The following ZCCHC10 variants were observed in gnomAD, a reference collection of about 807,000 sequenced individuals.
ZCCHC10 encodes zinc finger CCHC-type containing 10.
Under a neutral mutation model 19.5 loss-of-function variants are expected in ZCCHC10, and 16 were observed. The ratio of observed to expected loss-of-function variants is 0.82; its 90% CI spans 0.56 to 1.25. ZCCHC10 has a LOEUF of 1.25. Ranked by LOEUF, ZCCHC10 falls within the 50% of genes most tolerant of loss-of-function variation. ZCCHC10 has a pLI of 0.00. For missense variants in ZCCHC10, 197 were observed against 201.0 expected, an observed-to-expected ratio of 0.98 and a Z score of 0.12; for synonymous variants, 67 against 72.5, an observed-to-expected ratio of 0.92 and a Z score of 0.38.
At position 133,022,845 on chromosome 5, in the gene ZCCHC10, T is replaced by C. The variant is rs1764411132; in HGVS notation, c.103A>G (p.Ile35Val). 2 of 606,778 alleles carry C rather than the reference T, an allele frequency of 3.3e-6. No homozygotes were observed. Among genetic ancestry groups the C allele is most frequent in the Non-Finnish European group, 5.8e-6 (2 of 343,174 alleles). 37.6% of individuals were successfully genotyped at this position (606,778 alleles called of 1,614,324 possible). The change falls in exon 2 of 5, where the codon ATT becomes GTT. Residue 35 changes from isoleucine to valine, a missense_variant. Ile to Val is a conservative substitution (Grantham distance 29). Transcript: ENST00000509437. ...ACACAAAGCTGAGAGGGATACCTAA[T>C]AACGATGGATGGCTGAATCAGGATC... ...FWILIQPSIV[I>V]SEANKQHVRC...
At chr5:133,015,342 G>A (rs1457678830) in intron 2 of ZCCHC10, among the ~76,000 whole-genome samples, 2 of 152,166 alleles carry the variant, frequency 1.3e-5, no homozygotes, top group Admixed American at 1.3e-4. Context: ...GCCTCCCAAA[G>A]TGCTGGGATT....
At chr5:133,017,932 C>T (rs1337190644) in intron 2 of ZCCHC10, among the ~76,000 whole-genome samples, 1 of 151,958 alleles carries the variant, frequency 6.6e-6, no homozygotes, top group Non-Finnish European at 1.5e-5. Context: ...TCACTTGAAG[C>T]CAGGAGTTCG....
intron 1 of ZCCHC10, among the ~76,000 whole-genome samples, chr5:133,025,304 A>G (rs1156981468): frequency 2.0e-5 from 3 of 151,850 alleles, no homozygotes; most frequent in African/African-American, 7.3e-5. Flanking sequence ...GGGGATCGAG[A>G]CCATCCTGGC....
intron 4 of ZCCHC10, among the ~76,000 whole-genome samples, chr5:132,999,739 A>T (rs1165972433): frequency 6.6e-6 from 1 of 152,184 alleles, no homozygotes; most frequent in Non-Finnish European, 1.5e-5. Flanking sequence ...GAGGCTTCAG[A>T]TCCAAATCTT....
chr5:133,021,745 T>G (rs544326192), intron 2 of ZCCHC10, among the ~76,000 whole-genome samples: 3 of 152,270 alleles, frequency 2.0e-5, no homozygotes, highest in African/African-American at 7.2e-5. Flanking sequence ...ATTTATAATT[T>G]TTTTAAATTT....
At chr5:133,013,087 A>T (rs1763674084) in intron 2 of ZCCHC10, among the ~76,000 whole-genome samples, 1 of 148,292 alleles carries the variant, frequency 6.7e-6, no homozygotes, top group African/African-American at 2.5e-5. Context: ...TAATAAATAA[A>T]TAAAAATAAA....
intron 1 of ZCCHC10, 45 bp from the exon 2 acceptor site, chr5:133,022,951 T>G (rs931263748): frequency 5.3e-5 from 26 of 487,728 alleles, no homozygotes; most frequent in Admixed American, 7.9e-5. Context: ...GTCTGACACT[T>G]AAGTCCAGAA....
intron 3 of ZCCHC10, among the ~76,000 whole-genome samples, chr5:133,004,420 C>T (rs1039773742): frequency 3.3e-5 from 5 of 152,108 alleles, no homozygotes; most frequent in African/African-American, 7.2e-5. Flanking sequence ...GTGATCCACC[C>T]GCCTTGGCCT....
intron 1 of ZCCHC10, 26 bp downstream of exon 1, chr5:133,026,471 T>G: frequency 6.2e-7 from 1 of 1,612,654 alleles, no homozygotes; most frequent in Non-Finnish European, 8.5e-7. Context: ...AGCCCTCCAG[T>G]GGACCCGAAC....
chr5:133,021,799 CT>C (rs35549614), intron 2 of ZCCHC10, among the ~76,000 whole-genome samples: 69 of 147,450 alleles, frequency 4.7e-4, no homozygotes, highest in Admixed American at 6.1e-4. Flanking sequence ...TACTTTATAA[CT>C]TTTTTTTTTT....
chr5:133,014,562 T>C (rs1368352139), intron 2 of ZCCHC10, among the ~76,000 whole-genome samples: 1 of 152,232 alleles, frequency 6.6e-6, no homozygotes, highest in Non-Finnish European at 1.5e-5. Flanking sequence ...GTCACATTTC[T>C]TTAGTCTCCT....
At chr5:133,003,347 A>T (rs1026562145) in intron 3 of ZCCHC10, 5 of 377,984 alleles carry the variant, frequency 1.3e-5, no homozygotes, top group Non-Finnish European at 2.1e-5. Flanking sequence ...AATTGAAGAA[A>T]GAAGGTTCAG....
intron 1 of ZCCHC10, among the ~76,000 whole-genome samples, chr5:133,025,265 G>A (rs901758003): frequency 6.6e-6 from 1 of 152,046 alleles, no homozygotes; most frequent in East Asian, 1.9e-4. Context: ...AGCACTTTGG[G>A]AGGCCAAGGC....
At chr5:133,007,978 C>T (rs1763234662) in intron 2 of ZCCHC10, among the ~76,000 whole-genome samples, 1 of 152,058 alleles carries the variant, frequency 6.6e-6, no homozygotes. Context: ...GTAATCCCAG[C>T]ACTTTGGGAG....
intron 2 of ZCCHC10, among the ~76,000 whole-genome samples, chr5:133,010,338 C>T (rs1262103185): frequency 2.6e-5 from 4 of 152,108 alleles, no homozygotes; most frequent in Admixed American, 1.3e-4. Context: ...TGTGAGCCAC[C>T]GTGCCCAGTA....
chr5:133,014,140 T>C (rs1399799953), intron 2 of ZCCHC10, among the ~76,000 whole-genome samples: 1 of 150,304 alleles, frequency 6.7e-6, no homozygotes, highest in Non-Finnish European at 1.5e-5. Context: ...GTTGATACAT[T>C]CCTACTATTT....
At chr5:133,019,186 G>A in intron 2 of ZCCHC10, 1 of 389,280 alleles carries the variant, frequency 2.6e-6, no homozygotes, top group Non-Finnish European at 5.0e-6. Flanking sequence ...TTTGAGACCA[G>A]CCTGGGCAAC....
intron 2 of ZCCHC10, among the ~76,000 whole-genome samples, chr5:133,008,715 T>G (rs1022528377): frequency 5.3e-5 from 8 of 150,164 alleles, no homozygotes; most frequent in Non-Finnish European, 1.0e-4. Context: ...CAACAAATTT[T>G]GAAAAATTAG....
rs1219257371 is a variant in ZCCHC10 at position 132,997,184 on chromosome 5, G to A, written c.*1399C>T. 2 of 152,140 alleles carry A rather than the reference G, an allele frequency of 1.3e-5. No individual in the cohort carries two copies. Among genetic ancestry groups the A allele is most frequent in the Non-Finnish European group, 2.9e-5 (2 of 68,026 alleles). The allele number at this position is 152,140 out of a possible 1,614,324, so 9.4% of individuals were successfully genotyped here. On this transcript the variant is annotated 3_prime_UTR_variant, in exon 5 of 5. Transcript: ENST00000509437. ...TTCTGTAGGCAGCCTTTGAAATGAT[G>A]TTTTGAGAATTTATTTACAACCATT...
Sources: gnomAD v4.1 joint callset for allele counts (sites outside exome capture counted in the v4.1 genomes callset) on GRCh38, gnomAD v4.1.1 for gene constraint, MANE v1.5 for transcripts, NCBI Gene and HGNC (gene_info 2026-07-23, HGNC 2026-07-21) for gene names.